Variants in ASXL2 observed in about 807,000 individuals in gnomAD.
ASXL2 encodes the protein ASXL transcriptional regulator 2, also known as putative Polycomb group protein ASXL2.
ASXL2 carries 23 observed loss-of-function variants against 122.0 expected under a neutral mutation model. The observed-to-expected ratio is 0.19, with a 90% CI of 0.14 to 0.27. The LOEUF (loss-of-function observed/expected upper bound fraction) is 0.27. Ranked by LOEUF, ASXL2 falls within the 10% of genes least tolerant of loss-of-function variation. The pLI is 1.00. For missense variants in ASXL2, 1,518 were observed against 1,713.8 expected, an observed-to-expected ratio of 0.89 and a Z score of 2.02; for synonymous variants, 650 against 637.0, an observed-to-expected ratio of 1.02 and a Z score of -0.31.
intron 1 of ASXL2, among the ~76,000 whole-genome samples, chr2:25,868,161 C>T (rs1170288324): frequency 6.6e-6 from 1 of 152,212 alleles, no homozygotes; most frequent in Non-Finnish European, 1.5e-5. Flanking sequence ...GGAAACTAGT[C>T]ACTATAAATC....
intron 1 of ASXL2, among the ~76,000 whole-genome samples, chr2:25,868,643 T>C (rs2089929594): frequency 6.6e-6 from 1 of 152,218 alleles, no homozygotes; most frequent in Non-Finnish European, 1.5e-5. Flanking sequence ...TTAGCATAAT[T>C]TTCTTTCACA....
At chr2:25,746,134 T>A (rs1383385597) in intron 12 of ASXL2, among the ~76,000 whole-genome samples, 1 of 152,084 alleles carries the variant, frequency 6.6e-6, no homozygotes, top group Non-Finnish European at 1.5e-5. Context: ...TAAAAAAAAA[T>A]TAACCCACTA....
chr2:25,865,393 C>T (rs913706088), intron 1 of ASXL2, among the ~76,000 whole-genome samples: 7 of 151,724 alleles, frequency 4.6e-5, no homozygotes, highest in African/African-American at 1.7e-4. Flanking sequence ...GATCATGCCA[C>T]TGCACTCCAG....
Position 25,744,618 on chromosome 2 carries a change from C to T in ASXL2, c.1861-142G>A. 1.0e-6 allele frequency: 1 copy of T among 970,294 alleles called. No individual in the cohort carries two copies. 60.1% of individuals were successfully genotyped at this position (970,294 alleles called of 1,614,324 possible). A position where few individuals can be genotyped will look rare whatever the true frequency, so the allele number is the denominator to read the frequency against. On this transcript the variant is annotated intron_variant, in intron 12 of 12. Coordinates refer to ENST00000435504, the MANE Select transcript of ASXL2 (RefSeq NM_018263.6). The surrounding 1 kb of genome is among the most constrained non-coding windows in gnomAD (Gnocchi z 4.7). ...ACATGGGTGGTCTATGGCCGAGAGG[C>T]CAAACCTTGGAGACAGCAATACTAG... is the stretch of plus-strand genomic sequence containing the variant.
intron 4 of ASXL2, among the ~76,000 whole-genome samples, chr2:25,803,738 C>T (rs766623158): frequency 3.9e-5 from 6 of 152,178 alleles, no homozygotes; most frequent in Non-Finnish European, 7.4e-5. Context: ...CGCACTCCTA[C>T]AAGAATCTCA....
intron 5 of ASXL2, among the ~76,000 whole-genome samples, chr2:25,782,652 T>C (rs1342272041): frequency 6.6e-6 from 1 of 152,202 alleles, no homozygotes. Context: ...AAGCCACTAG[T>C]GTTCCCCCTT....
At chr2:25,783,843 C>A (rs1273458609) in intron 5 of ASXL2, among the ~76,000 whole-genome samples, 1 of 151,548 alleles carries the variant, frequency 6.6e-6, no homozygotes, top group Non-Finnish European at 1.5e-5. Context: ...ATCACGAGGT[C>A]AAGAGTTCAA....
chr2:25,847,857 T>C (rs182464636), intron 1 of ASXL2, among the ~76,000 whole-genome samples: 26 of 152,302 alleles, frequency 1.7e-4, no homozygotes, highest in South Asian at 1.2e-3. Flanking sequence ...TTGATAATTA[T>C]AGAAGGTAAA....
chr2:25,846,933 G>A (rs2089657032), intron 1 of ASXL2, among the ~76,000 whole-genome samples: 1 of 152,222 alleles, frequency 6.6e-6, no homozygotes, highest in Non-Finnish European at 1.5e-5. Flanking sequence ...TGACACAGAT[G>A]TTGGAATTAT....
At chr2:25,839,778 C>T (rs2089555668) in intron 2 of ASXL2, among the ~76,000 whole-genome samples, 1 of 151,622 alleles carries the variant, frequency 6.6e-6, no homozygotes, top group Admixed American at 6.6e-5. Flanking sequence ...GTTTGAATCA[C>T]CTCTGACACT....
intron 3 of ASXL2, among the ~76,000 whole-genome samples, chr2:25,827,226 A>G (rs1044132168): frequency 2.6e-5 from 4 of 152,196 alleles, no homozygotes; most frequent in Non-Finnish European, 5.9e-5. Context: ...ATATATCTGT[A>G]AACACACACC....
intron 6 of ASXL2, among the ~76,000 whole-genome samples, chr2:25,771,033 T>G (rs1484784278): frequency 6.6e-6 from 1 of 151,828 alleles, no homozygotes; most frequent in African/African-American, 2.4e-5. Context: ...GTCAAGAGAT[T>G]GAGACCATCC....
intron 5 of ASXL2, among the ~76,000 whole-genome samples, chr2:25,792,496 G>T (rs1559512682): frequency 6.6e-6 from 1 of 151,966 alleles, no homozygotes; most frequent in Non-Finnish European, 1.5e-5. Flanking sequence ...AGAAATAAAA[G>T]ATTAACAAAT....
At position 25,744,459 on chromosome 2, in the gene ASXL2, G is replaced by A. The variant is rs746157282; in HGVS notation, c.1878C>T (p.Ile626=). The change falls in exon 13 of 13, where the codon ATC becomes ATT. Residue 626 remains isoleucine (I), a synonymous_variant. Coordinates refer to ENST00000435504, the MANE Select transcript of ASXL2 (RefSeq NM_018263.6). The surrounding 1 kb of genome is among the most constrained non-coding windows in gnomAD (Gnocchi z 4.7). ...GCGATGGATGAAACGGCATGGGGGA[G>A]ATTCTGGAGACCGGGATCTGAAAGA... The part of the protein sequence containing the change: ...VPPLKIPVSR[I]SPMPFHPSQV... 6.3e-7 allele frequency: 1 copy of A among 1,597,826 alleles called. No homozygotes were observed. Among genetic ancestry groups the A allele is most frequent in the Non-Finnish European group, 8.5e-7 (1 of 1,175,030 alleles).
At chr2:25,837,508 G>A (rs865908724) in intron 2 of ASXL2, among the ~76,000 whole-genome samples, 1 of 152,146 alleles carries the variant, frequency 6.6e-6, no homozygotes, top group South Asian at 2.1e-4. Flanking sequence ...GATGGAGGAT[G>A]TATCCTTTTG....
At chr2:25,792,132 G>GAC (rs1280037921) in intron 5 of ASXL2, among the ~76,000 whole-genome samples, 2 of 152,194 alleles carry the variant, frequency 1.3e-5, no homozygotes, top group African/African-American at 4.8e-5. Context: ...AAGTAGCTGG[G>GAC]ACTACAGGCA....
chr2:25,739,895 C>A lies in ASXL2; in HGVS notation c.*2134G>T. ...CCAGCATGCAGACCAGCCCTCGGCC[C>A]TGGCACTAAGGTGGAGTTAAGGGGT... On this transcript the variant is annotated 3_prime_UTR_variant, in exon 13 of 13. Coordinates refer to ENST00000435504, the MANE Select transcript of ASXL2 (RefSeq NM_018263.6). The A allele has an allele frequency of 4.6e-6, 1 of 218,174 alleles. No homozygotes were observed. The highest frequency in any genetic ancestry group is 9.2e-6 in the Non-Finnish European group (1 of 108,538). 13.5% of individuals were successfully genotyped at this position (218,174 alleles called of 1,614,324 possible). A position where few individuals can be genotyped will look rare whatever the true frequency, so the allele number is the denominator to read the frequency against.
chr2:25,750,158 G>A lies in ASXL2; in HGVS notation c.1398C>T (p.Ser466=). The part of the protein sequence containing the change: ...NFSTSSEPLL[S]SALNTHELSS... ...TAAGCTCATGTGTATTGAGAGCTGA[G>A]GAAAGCAGGGGCTCTGAAGATGTGG... Residue 466 remains serine, a synonymous_variant, in exon 12 of 13, where the codon TCC becomes TCT. Transcript: ENST00000435504. 6.2e-7 allele frequency: 1 copy of A among 1,614,004 alleles called. No individual in the cohort carries two copies.
chr2:25,852,647 A>G (rs2089730071), intron 1 of ASXL2, among the ~76,000 whole-genome samples: 2 of 152,228 alleles, frequency 1.3e-5, no homozygotes, highest in Non-Finnish European at 2.9e-5. Flanking sequence ...GGCTTCTGCT[A>G]TAGAACAATA....
Sources: allele counts gnomAD v4.1 joint callset (sites outside exome capture counted in the v4.1 genomes callset), GRCh38; gene constraint gnomAD v4.1.1; non-coding constraint Gnocchi (gnomAD v3.1); transcripts MANE v1.5; gene names NCBI Gene and HGNC (gene_info 2026-07-23, HGNC 2026-07-21).